TIAM2: variants seen among roughly 807,000 people sequenced by gnomAD.
The protein encoded by TIAM2 is rho guanine nucleotide exchange factor TIAM2.
TIAM2 carries 80 observed loss-of-function variants against 152.9 expected under a neutral mutation model. That is an observed-to-expected ratio of 0.52 (90% CI 0.44 to 0.63). The LOEUF (loss-of-function observed/expected upper bound fraction) is 0.63, where lower values mean the gene tolerates loss of function less well. TIAM2 is among the 30% of genes least tolerant of loss of function. The probability of loss-of-function intolerance (pLI) is 0.00; values close to 1 mark genes in which losing one functional copy is unlikely to be tolerated. For synonymous variants in TIAM2, 804 were observed against 838.0 expected (o/e 0.96, Z 0.70); for missense variants, 1,965 against 2,120.1 (o/e 0.93, Z 1.44).
At chr6:155,068,560 C>A (rs971628576) in intron 1 of TIAM2, among the ~76,000 whole-genome samples, 2 of 151,898 alleles carry the variant, frequency 1.3e-5, no homozygotes, top group African/African-American at 2.4e-5. Flanking sequence ...TCAAGCGATT[C>A]TTCTACCTCA....
intron 15 of TIAM2, among the ~76,000 whole-genome samples, chr6:155,220,805 G>A (rs1385207184): frequency 6.6e-6 from 1 of 152,136 alleles, no homozygotes; most frequent in African/African-American, 2.4e-5. Context: ...TGGGATACAT[G>A]TGCAGAATGT....
chr6:155,244,913 T>A, intron 18 of TIAM2, 130 bp downstream of exon 18: 2 of 1,163,872 alleles, frequency 1.7e-6, no homozygotes, highest in Non-Finnish European at 2.3e-6. Context: ...CTGTGACTAT[T>A]TCCTTGCACC....
chr6:155,183,588 T>C, intron 14 of TIAM2, 88 bp downstream of exon 14: 1 of 1,451,656 alleles, frequency 6.9e-7, no homozygotes. Flanking sequence ...ACTCAGATTA[T>C]TTAAGCTGTT....
chr6:155,030,499 T>C (rs1326210196), intron 1 of TIAM2, among the ~76,000 whole-genome samples: 5 of 152,154 alleles, frequency 3.3e-5, no homozygotes, highest in Non-Finnish European at 5.9e-5. Context: ...GAACAAGCTG[T>C]TGATCTCTGC....
intron 14 of TIAM2, among the ~76,000 whole-genome samples, chr6:155,206,399 C>G (rs1368281110): frequency 6.6e-6 from 1 of 152,138 alleles, no homozygotes; most frequent in Non-Finnish European, 1.5e-5. Context: ...CCAGGCCCGG[C>G]TAATTTTTTG....
intron 1 of TIAM2, among the ~76,000 whole-genome samples, chr6:155,038,462 G>C (rs984381337): frequency 6.6e-6 from 1 of 152,220 alleles, no homozygotes; most frequent in South Asian, 2.1e-4. Flanking sequence ...TTGGAGGTGG[G>C]ATACATGATG....
At chr6:155,058,302 A>G (rs965210486) in intron 1 of TIAM2, among the ~76,000 whole-genome samples, 1 of 152,190 alleles carries the variant, frequency 6.6e-6, no homozygotes, top group African/African-American at 2.4e-5. Flanking sequence ...TCTCAGGCCA[A>G]TTAAATCAGA....
intron 1 of TIAM2, among the ~76,000 whole-genome samples, chr6:155,050,974 C>A (rs548828824): frequency 1.7e-4 from 26 of 152,120 alleles, no homozygotes; most frequent in Non-Finnish European, 3.5e-4. Flanking sequence ...TATCAACTTC[C>A]GTTCTCTTCA....
rs1433683613 is a variant in TIAM2 at position 155,250,572 on chromosome 6, T to C, written c.3952-341T>C. On this transcript the variant is annotated intron_variant, in intron 21 of 26. Transcript: ENST00000682666. ...TGGAGCTCAGAGGTGATGGATGTAC[T>C]AGATCCCAGGGGAAAGCTTACAAAA... 4 of 1,536,038 alleles carry C rather than the reference T, an allele frequency of 2.6e-6. No individual in the cohort carries two copies. In the South Asian group the frequency reaches 3.6e-5, roughly 14 times the overall value.
chr6:155,177,873 G>T (rs910230985), intron 10 of TIAM2, among the ~76,000 whole-genome samples: 1 of 152,054 alleles, frequency 6.6e-6, no homozygotes, highest in Non-Finnish European at 1.5e-5. Context: ...AGTAATAAAG[G>T]GTATCAGAAG....
intron 2 of TIAM2, among the ~76,000 whole-genome samples, chr6:155,107,058 G>A (rs1426271882): frequency 6.6e-6 from 1 of 152,178 alleles, no homozygotes; most frequent in Non-Finnish European, 1.5e-5. Context: ...TGAGCAGAAG[G>A]AAGAGTGAGT....
intron 14 of TIAM2, among the ~76,000 whole-genome samples, chr6:155,204,339 A>G (rs1781546613): frequency 6.6e-6 from 1 of 152,110 alleles, no homozygotes; most frequent in African/African-American, 2.4e-5. Flanking sequence ...TCATACCACC[A>G]AGACACACTG....
At chr6:155,006,848 C>A (rs568271172) in intron 1 of TIAM2, among the ~76,000 whole-genome samples, 88 of 152,066 alleles carry the variant, frequency 5.8e-4, no homozygotes, top group African/African-American at 1.7e-3. Context: ...ACCACCACAC[C>A]CAGCTAATTT....
chr6:155,183,533 C>G, intron 14 of TIAM2, 33 bp downstream of exon 14: 1 of 1,562,456 alleles, frequency 6.4e-7, no homozygotes, highest in Non-Finnish European at 8.7e-7. Flanking sequence ...TTCTTAACTG[C>G]TGGTATCAAC....
intron 2 of TIAM2, among the ~76,000 whole-genome samples, chr6:155,090,807 G>A (rs954893111): frequency 6.6e-6 from 1 of 152,142 alleles, no homozygotes; most frequent in African/African-American, 2.4e-5. Flanking sequence ...GGAGTTGTAA[G>A]ATCAGGTAAG....
intron 2 of TIAM2, among the ~76,000 whole-genome samples, chr6:155,098,909 C>T (rs1031363407): frequency 7.2e-5 from 11 of 152,270 alleles, no homozygotes; most frequent in Middle Eastern, 3.4e-3. Flanking sequence ...ACCATAAGGC[C>T]GGGTGCAGTG....
chr6:155,212,915 G>C (rs1335597341), intron 15 of TIAM2, among the ~76,000 whole-genome samples: 1 of 152,188 alleles, frequency 6.6e-6, no homozygotes, highest in Non-Finnish European at 1.5e-5. Context: ...CCGGTTCCCT[G>C]TGAAGCTACG....
chr6:154,997,879 C>G (rs1459370599), intron 1 of TIAM2, among the ~76,000 whole-genome samples: 1 of 151,982 alleles, frequency 6.6e-6, no homozygotes, highest in Non-Finnish European at 1.5e-5. Flanking sequence ...CTCAAGTGAT[C>G]CACCCTCCTC....
At chr6:155,182,693 A>G (rs916240946) in intron 13 of TIAM2, among the ~76,000 whole-genome samples, 1 of 151,954 alleles carries the variant, frequency 6.6e-6, no homozygotes, top group Non-Finnish European at 1.5e-5. Flanking sequence ...AAGTGTATAC[A>G]TATATATAGA....
Sources: allele counts gnomAD v4.1 joint callset (sites outside exome capture counted in the v4.1 genomes callset), GRCh38; gene constraint gnomAD v4.1.1; transcripts MANE v1.5; gene names NCBI Gene and HGNC (gene_info 2026-07-23, HGNC 2026-07-21).